Variants in LRP2 observed in about 807,000 individuals in gnomAD.
LRP2 encodes the protein low-density lipoprotein receptor-related protein 2.
A neutral mutation model predicts 531.0 loss-of-function variants in LRP2; 172 were observed. That is an observed-to-expected ratio of 0.32 (90% CI 0.29 to 0.37). LRP2 has a LOEUF of 0.37. Among genes scored for constraint, LRP2 ranks in the 10% least tolerant of loss-of-function variants. LRP2 has a pLI of 1.00. For missense variants in LRP2, 5,167 were observed against 5,868.3 expected (o/e 0.88, Z 3.90); for synonymous variants, 1,992 against 2,027.6 (o/e 0.98, Z 0.47).
At chr2:169,136,357 T>C (rs1685509811) in intron 76 of LRP2, among the ~76,000 whole-genome samples, 1 of 151,922 alleles carries the variant, frequency 6.6e-6, no homozygotes, top group African/African-American at 2.4e-5. Context: ...AATACTATTT[T>C]ATGTTATTTT....
intron 1 of LRP2, among the ~76,000 whole-genome samples, chr2:169,322,162 G>A (rs917920492): frequency 6.6e-6 from 1 of 152,142 alleles, no homozygotes; most frequent in Non-Finnish European, 1.5e-5. Context: ...ACCAAAATTA[G>A]GTAAATATAC....
At chr2:169,220,607 A>G (rs1340259351) in intron 33 of LRP2, 44 bp from the exon 34 acceptor site, 6 of 1,271,614 alleles carry the variant, frequency 4.7e-6, no homozygotes, top group African/African-American at 2.9e-5. Flanking sequence ...TCATAAGGGG[A>G]ACCAAAGGAA....
At chr2:169,255,674 T>C (rs1690276864) in intron 19 of LRP2, among the ~76,000 whole-genome samples, 1 of 152,184 alleles carries the variant, frequency 6.6e-6, no homozygotes, top group Admixed American at 6.5e-5. Flanking sequence ...AATCGTTTTT[T>C]CCACAAGGAT....
rs34693334 is a variant in LRP2, at chr2:169,290,992, C to T, written c.775G>A (p.Gly259Ser). 158 of 1,613,752 alleles carry T rather than the reference C, an allele frequency of 9.8e-5. No homozygotes were observed. The highest frequency in any genetic ancestry group is 1.2e-4 in the Non-Finnish European group (146 of 1,179,888). ...GAACATTTATGAACATCATGAGGAC[C>T]GCTTTCTGTGGGGGGAAAAAGAGAG... ...DNGDEDGCESGPHDVHKCSPR... is the reference protein window; with the variant it reads ...DNGDEDGCESSPHDVHKCSPR... The change falls in exon 8 of 79, where the codon GGT becomes AGT. Residue 259 changes from glycine to serine, a missense_variant. Physicochemically the swap from Gly to Ser is moderately conservative, Grantham distance 56. Transcript: ENST00000649046.
intron 28 of LRP2, 96 bp from the exon 29 acceptor site, chr2:169,236,164 C>A: frequency 1.1e-6 from 1 of 912,572 alleles, no homozygotes. Flanking sequence ...TTATGCCCTG[C>A]TTAAAATAAA....
At chr2:169,208,745 CTG>C (rs1290576594) in intron 38 of LRP2, among the ~76,000 whole-genome samples, 12 of 152,196 alleles carry the variant, frequency 7.9e-5, no homozygotes, top group Non-Finnish European at 1.5e-4. Flanking sequence ...GCATGAGCCA[CTG>C]CGCCCTGCCT....
intron 16 of LRP2, among the ~76,000 whole-genome samples, chr2:169,261,637 G>A (rs1690558078): frequency 6.6e-6 from 1 of 152,084 alleles, no homozygotes; most frequent in Non-Finnish European, 1.5e-5. Context: ...AGGACCAGAT[G>A]GATTCACAGC....
At position 169,188,406 on chromosome 2, in the gene LRP2, C is replaced by A. The variant is rs1301762293; in HGVS notation, c.9033-141G>T. 4 of 803,240 alleles carry A rather than the reference C, an allele frequency of 5.0e-6. No individual in the cohort carries two copies. In the Admixed American group the frequency reaches 8.0e-5, roughly 16 times the overall value. The allele number at this position is 803,240 out of a possible 1,614,324, so 49.8% of individuals were successfully genotyped here. ...ACAAGATCACCAGTGTCCTTGATCC[C>A]CTTTCCCCCATCATCTTCGTCTACC... On this transcript the variant is annotated intron_variant, in intron 48 of 78. Transcript: ENST00000649046.
intron 1 of LRP2, among the ~76,000 whole-genome samples, chr2:169,357,362 T>C (rs929132777): frequency 1.1e-4 from 17 of 149,826 alleles, no homozygotes; most frequent in African/African-American, 4.2e-4. Context: ...GACAGATTCT[T>C]GCTCTGTCAC....
At chr2:169,155,625 T>C (rs1475415321) in intron 65 of LRP2, among the ~76,000 whole-genome samples, 1 of 152,196 alleles carries the variant, frequency 6.6e-6, no homozygotes, top group Non-Finnish European at 1.5e-5. Flanking sequence ...GATATGATGA[T>C]TTAGATCAGG....
chr2:169,316,865 T>A (rs1684777419), intron 3 of LRP2, among the ~76,000 whole-genome samples: 1 of 151,666 alleles, frequency 6.6e-6, no homozygotes, highest in Non-Finnish European at 1.5e-5. Context: ...CCAAAGCAGC[T>A]CAAAAGAGAG....
In LRP2 at chr2:169,182,233, C is replaced by G; in HGVS notation, c.9932G>C (p.Cys3311Ser). 1 of 1,614,110 alleles carries G rather than the reference C, an allele frequency of 6.2e-7. No individual in the cohort carries two copies. The highest frequency in any genetic ancestry group is 1.3e-5 in the African/African-American group (1 of 75,050). The change falls in exon 51 of 79, where the codon TGT becomes TCT. Residue 3311 changes from cysteine to serine, a missense_variant. Physicochemically the swap from Cys to Ser is moderately radical, Grantham distance 112. Transcript: ENST00000649046. ...GCAGAAGGTGTTGTTGGCATCCACACAGTGCTGGGCCAGCATGCGGCGGTG... is the reference window on the plus strand; with the variant it reads ...GCAGAAGGTGTTGTTGGCATCCACAGAGTGCTGGGCCAGCATGCGGCGGTG... ...GGHRRMLAQH[C>S]VDANNTFCFD...
In LRP2 at chr2:169,138,530, T is replaced by C. The variant is rs370721873; in HGVS notation, c.13518+47A>G. ...TTTTGTTCTTTATAAAAAGTATTTATTCTATAAATGACAACCTTCAAATAA... is the reference window on the plus strand; with the variant it reads ...TTTTGTTCTTTATAAAAAGTATTTACTCTATAAATGACAACCTTCAAATAA... On this transcript the variant is annotated intron_variant, in intron 75 of 78. Transcript: ENST00000649046. 1.2e-4 allele frequency: 193 copies of C among 1,604,400 alleles called. 1 individual carries two copies. In the Admixed American group the frequency reaches 3.2e-3, roughly 26 times the overall value.
At chr2:169,352,345 T>C (rs1685872915) in intron 1 of LRP2, among the ~76,000 whole-genome samples, 1 of 152,212 alleles carries the variant, frequency 6.6e-6, no homozygotes, top group South Asian at 2.1e-4. Context: ...TAGTACTTCA[T>C]GTCACCCTCA....
chr2:169,202,626 C>T (rs1010886814), intron 43 of LRP2, 130 bp downstream of exon 43: 8 of 919,434 alleles, frequency 8.7e-6, no homozygotes, highest in African/African-American at 3.2e-5. Context: ...TCAGAGGAAA[C>T]ATTTTTCAGC....
At chr2:169,316,980 G>C (rs1002644408) in intron 3 of LRP2, among the ~76,000 whole-genome samples, 1 of 152,126 alleles carries the variant, frequency 6.6e-6, no homozygotes, top group Non-Finnish European at 1.5e-5. Context: ...TGAGAAGGAA[G>C]GAAAAGTGCC....
chr2:169,359,477 C>A (rs1026898714), intron 1 of LRP2, among the ~76,000 whole-genome samples: 1 of 152,008 alleles, frequency 6.6e-6, no homozygotes, highest in Non-Finnish European at 1.5e-5. Flanking sequence ...TTTAGTGATG[C>A]GAAGTTTGCA....
At chr2:169,281,337 G>T (rs1450489719) in intron 10 of LRP2, among the ~76,000 whole-genome samples, 1 of 152,126 alleles carries the variant, frequency 6.6e-6, no homozygotes, top group African/African-American at 2.4e-5. Flanking sequence ...CAGGAGAATC[G>T]CTTGAACCCG....
At chr2:169,156,687 T>C (rs780918722) in intron 64 of LRP2, among the ~76,000 whole-genome samples, 1 of 152,208 alleles carries the variant, frequency 6.6e-6, no homozygotes, top group Non-Finnish European at 1.5e-5. Context: ...ATTTAAACTC[T>C]ATGACTCTGC....
Sources: allele counts gnomAD v4.1 joint callset (sites outside exome capture counted in the v4.1 genomes callset), GRCh38; gene constraint gnomAD v4.1.1; transcripts MANE v1.5; gene names NCBI Gene and HGNC (gene_info 2026-07-23, HGNC 2026-07-21).